ZNF507: variants seen among roughly 807,000 people sequenced by gnomAD.
ZNF507 encodes zinc finger protein 507.
Under a neutral mutation model 80.0 loss-of-function variants are expected in ZNF507, and 29 were observed. The ratio of observed to expected loss-of-function variants is 0.36; its 90% CI spans 0.27 to 0.49. ZNF507 has a LOEUF of 0.49. ZNF507 is among the 20% of genes least tolerant of loss of function. The pLI is 0.98. For synonymous variants in ZNF507, 462 were observed against 422.5 expected (o/e 1.09, Z -1.15); for missense variants, 1,081 against 1,152.2 (o/e 0.94, Z 0.90).
In ZNF507 at chr19:32,356,691, A is replaced by G. The variant is rs772173784; in HGVS notation, c.2203A>G (p.Arg735Gly). The change falls in exon 4 of 7, where the codon AGA becomes GGA. Residue 735 changes from arginine (R) to glycine (G), a missense_variant. By Grantham distance (125) the Arg-to-Gly change is moderately radical. Transcript: ENST00000355898. ...TLSIATSNEP[R>G]ISSDTADGKC... is the part of the protein sequence containing the mutation. ...GTCAATAGCAACTTCTAATGAGCCAAGAATTTCCAGTGATACAGCTGATGG... is the reference window on the plus strand; with the variant it reads ...GTCAATAGCAACTTCTAATGAGCCAGGAATTTCCAGTGATACAGCTGATGG... The G allele has an allele frequency of 1.9e-6, 3 of 1,614,192 alleles. No individual in the cohort carries two copies. The highest frequency in any genetic ancestry group is 2.5e-6 in the Non-Finnish European group (3 of 1,180,016).
intron 5 of ZNF507, 147 bp from the exon 6 acceptor site, chr19:32,382,320 G>C: frequency 9.9e-7 from 1 of 1,009,256 alleles, no homozygotes; most frequent in South Asian, 1.7e-5. Context: ...GTACCTCTTA[G>C]AATCAGTAAC....
intron 5 of ZNF507, among the ~76,000 whole-genome samples, chr19:32,374,045 T>C (rs1262504747): frequency 6.6e-6 from 1 of 152,194 alleles, no homozygotes; most frequent in Non-Finnish European, 1.5e-5. Flanking sequence ...CTGCAGTTAC[T>C]CACAGTTCGT....
At chr19:32,369,747 C>G (rs970601950) in intron 5 of ZNF507, among the ~76,000 whole-genome samples, 1 of 152,078 alleles carries the variant, frequency 6.6e-6, no homozygotes, top group African/African-American at 2.4e-5. Flanking sequence ...TATCTATCAT[C>G]TTACGTACTT....
At chr19:32,355,797 T>TGA (rs967586492) in intron 3 of ZNF507, among the ~76,000 whole-genome samples, 8 of 151,900 alleles carry the variant, frequency 5.3e-5, no homozygotes, top group African/African-American at 1.9e-4. Flanking sequence ...GTCAGGAGAT[T>TGA]GAGACCATCC....
intron 5 of ZNF507, among the ~76,000 whole-genome samples, chr19:32,369,803 C>G (rs909274388): frequency 1.3e-5 from 2 of 152,064 alleles, no homozygotes; most frequent in Admixed American, 6.5e-5. Flanking sequence ...ACAAAAATTC[C>G]TAATACAGCA....
intron 5 of ZNF507, among the ~76,000 whole-genome samples, chr19:32,377,545 A>G (rs1434929955): frequency 2.6e-5 from 4 of 152,230 alleles, no homozygotes. Context: ...GTTGTTTTAT[A>G]TATTTTATTA....
intron 5 of ZNF507, among the ~76,000 whole-genome samples, chr19:32,365,490 C>T (rs1228952805): frequency 6.6e-6 from 1 of 152,160 alleles, no homozygotes; most frequent in Non-Finnish European, 1.5e-5. Context: ...AGTCCTTAAT[C>T]CATCTTGAGT....
intron 5 of ZNF507, among the ~76,000 whole-genome samples, chr19:32,361,742 T>C (rs1318589628): frequency 2.8e-5 from 4 of 143,890 alleles, no homozygotes. Context: ...TTCCTTTCCT[T>C]TCCTTCCTTT....
At chr19:32,357,994 C>T (rs1028622789) in intron 4 of ZNF507, 1 of 152,090 alleles carries the variant, frequency 6.6e-6, no homozygotes, top group Non-Finnish European at 1.5e-5. Flanking sequence ...AGTGTCAGCT[C>T]AAAATTAAAA....
At position 32,354,857 on chromosome 19, in the gene ZNF507, A is replaced by T; in HGVS notation, c.2027A>T (p.His676Leu). 6.2e-7 allele frequency: 1 copy of T among 1,614,230 alleles called. No individual in the cohort carries two copies. The highest frequency in any genetic ancestry group is 8.5e-7 in the Non-Finnish European group (1 of 1,180,028). Residue 676 changes from histidine to leucine, a missense_variant, in exon 3 of 7, where the codon CAC becomes CTC. Around this residue, in one of 6 missense-constraint regions of ZNF507, gnomAD observed 614 missense variants for 583.9 expected, o/e 1.05. Transcript: ENST00000355898. ...CCTTATCAGTGTCCTATCTGCGAGC[A>T]CATAGCGGACAACAGCAAAGATTTG... Reference protein sequence around the residue: ...RQPYQCPICEHIADNSKDLES... With the variant: ...RQPYQCPICELIADNSKDLES...
At chr19:32,366,574 TGTTAAGACCACC>T (rs1445708115) in intron 5 of ZNF507, among the ~76,000 whole-genome samples, 1 of 152,256 alleles carries the variant, frequency 6.6e-6, no homozygotes, top group Non-Finnish European at 1.5e-5. Flanking sequence ...AGTATTCCAC[TGTTAAGACCACC>T]GCAATTTATT....
rs763151756 is a variant in ZNF507, at chr19:32,353,420, C to G, written c.590C>G (p.Ser197Cys). The change falls in exon 3 of 7, where the codon TCC (serine) becomes TGC (cysteine). Residue 197 changes from serine (S) to cysteine (C), a missense_variant. Ser to Cys is a moderately radical substitution (Grantham distance 112, BLOSUM62 -1). Transcript: ENST00000355898. ...AAAGCCCAACAGTGCGTAAGCCCCT[C>G]CAGCTCTTTGTGTCGGAAAACCACA... ...QSKAQQCVSP[S>C]SSLCRKTTER... 1 of 1,614,198 alleles carries G rather than the reference C, an allele frequency of 6.2e-7. No individual in the cohort carries two copies. The highest frequency in any genetic ancestry group is 1.7e-5 in the Admixed American group (1 of 60,026).
chr19:32,355,347 A>G (rs542735623), intron 3 of ZNF507, among the ~76,000 whole-genome samples: 14 of 152,328 alleles, frequency 9.2e-5, no homozygotes, highest in Non-Finnish European at 1.9e-4. Context: ...CATATTTTTC[A>G]TCTTATATGG....
At position 32,385,200 on chromosome 19, in the gene ZNF507, A is replaced by G. The variant is rs1189675238; in HGVS notation, c.*2117A>G. On this transcript the variant is annotated 3_prime_UTR_variant, in exon 7 of 7. Coordinates refer to ENST00000355898, the MANE Select transcript of ZNF507 (RefSeq NM_001136156.2). ...TGATGTGAATTTTTAAATTACCTTT[A>G]TTTCTTTAAACTAATTCCATTGATT... is the stretch of plus-strand genomic sequence containing the variant. 6.6e-6 allele frequency: 1 copy of G among 152,156 alleles called. No homozygotes were observed. The highest frequency in any genetic ancestry group is 1.5e-5 in the Non-Finnish European group (1 of 68,020). 9.4% of individuals were successfully genotyped at this position (152,156 alleles called of 1,614,324 possible).
intron 1 of ZNF507, among the ~76,000 whole-genome samples, chr19:32,346,801 T>C (rs555989218): frequency 2.0e-5 from 3 of 152,346 alleles, no homozygotes; most frequent in Non-Finnish European, 2.9e-5. Flanking sequence ...TTAGAAGATA[T>C]ATAGGTCACA....
intron 2 of ZNF507, among the ~76,000 whole-genome samples, chr19:32,348,158 G>C (rs939951108): frequency 2.6e-5 from 4 of 152,182 alleles, no homozygotes; most frequent in African/African-American, 9.7e-5. Flanking sequence ...AGGTCACACA[G>C]CTAATTGAGG....
At position 32,356,721 on chromosome 19, in the gene ZNF507, T is replaced by C; in HGVS notation, c.2233T>C (p.Cys745Arg). 1 of 1,613,500 alleles carries C rather than the reference T, an allele frequency of 6.2e-7. No homozygotes were observed. Among genetic ancestry groups the C allele is most frequent in the Non-Finnish European group, 8.5e-7 (1 of 1,179,532 alleles). The change falls in exon 4 of 7, where the codon TGT becomes CGT. Residue 745 changes from cysteine (C) to arginine (R), a missense_variant. By Grantham distance (180) the Cys-to-Arg change is radical. Around this residue, in one of 6 missense-constraint regions of ZNF507, gnomAD observed 614 missense variants for 583.9 expected, o/e 1.05. Coordinates refer to ENST00000355898, the MANE Select transcript of ZNF507 (RefSeq NM_001136156.2). ...TTCCAGTGATACAGCTGATGGAAAATGTGTCCAGGAAGGTATCTATGTATT... is the reference window on the plus strand; with the variant it reads ...TTCCAGTGATACAGCTGATGGAAAACGTGTCCAGGAAGGTATCTATGTATT... Reference protein sequence around the residue: ...RISSDTADGKCVQEGNKSSVQ... With the variant: ...RISSDTADGKRVQEGNKSSVQ...
intron 3 of ZNF507, among the ~76,000 whole-genome samples, chr19:32,355,767 C>T (rs896220257): frequency 4.6e-5 from 7 of 151,874 alleles, no homozygotes; most frequent in Admixed American, 1.3e-4. Flanking sequence ...GGAGGGAGGC[C>T]GAGGCGGGCA....
At chr19:32,364,477 C>T (rs1340190242) in intron 5 of ZNF507, among the ~76,000 whole-genome samples, 1 of 151,886 alleles carries the variant, frequency 6.6e-6, no homozygotes, top group Non-Finnish European at 1.5e-5. Flanking sequence ...TCTTTTATCC[C>T]TCGCCCTCCT....
Sources: allele counts gnomAD v4.1 joint callset (sites outside exome capture counted in the v4.1 genomes callset), GRCh38; gene constraint gnomAD v4.1.1; regional missense constraint gnomAD v4.1.1; transcripts MANE v1.5; gene names NCBI Gene and HGNC (gene_info 2026-07-23, HGNC 2026-07-21).